CNOT6: variants seen among roughly 807,000 people sequenced by gnomAD.
CNOT6 encodes carbon catabolite repression 4 protein.
In CNOT6, 12 loss-of-function variants were observed where a neutral mutation model predicts 61.2. That is an observed-to-expected ratio of 0.20 (90% CI 0.13 to 0.32). The LOEUF is 0.32. Ranked by LOEUF, CNOT6 falls within the 10% of genes least tolerant of loss-of-function variation. The probability of loss-of-function intolerance (pLI) is 1.00; values close to 1 mark genes in which losing one functional copy is unlikely to be tolerated. For synonymous variants in CNOT6, 225 were observed against 240.6 expected, an observed-to-expected ratio of 0.94 and a Z score of 0.60; for missense variants, 405 against 663.9, an observed-to-expected ratio of 0.61 and a Z score of 4.28.
chr5:180,495,540 C>G (rs1228563698), intron 1 of CNOT6: 1 of 152,204 alleles, frequency 6.6e-6, no homozygotes, highest in Non-Finnish European at 1.5e-5. Context: ...CCATTGACAG[C>G]GTTGTGAATG....
intron 2 of CNOT6, among the ~76,000 whole-genome samples, chr5:180,533,338 A>G (rs1461942030): frequency 1.1e-5 from 1 of 90,848 alleles, no homozygotes; most frequent in African/African-American, 3.6e-5. Flanking sequence ...ATATATATAT[A>G]TATATCACCG....
At chr5:180,571,099 C>T in intron 10 of CNOT6, 131 bp from the exon 11 acceptor site, 2 of 648,608 alleles carry the variant, frequency 3.1e-6, no homozygotes, top group Non-Finnish European at 5.4e-6. Flanking sequence ...TTGGGCAAGT[C>T]CTGGCAAATG....
In CNOT6 at chr5:180,565,970, G is replaced by A; in HGVS notation, c.710G>A (p.Ser237Asn). 1 of 1,612,460 alleles carries A rather than the reference G, an allele frequency of 6.2e-7. No individual in the cohort carries two copies. Among genetic ancestry groups the A allele is most frequent in the South Asian group, 1.1e-5 (1 of 90,820 alleles). ...EILSCNADIV[S>N]LQEVETEQYY... Reference sequence around the variant, plus strand: ...TTGAGCTGCAATGCTGATATCGTAAGTCTTCAGGTAAGTCAGACAGAAGAC... The same window carrying A: ...TTGAGCTGCAATGCTGATATCGTAAATCTTCAGGTAAGTCAGACAGAAGAC... Residue 237 changes from serine to asparagine, a missense_variant, in exon 7 of 12, where the codon AGT (serine) becomes AAT (asparagine). Ser to Asn is a conservative substitution (Grantham distance 46). Coordinates refer to ENST00000261951, the MANE Select transcript of CNOT6 (RefSeq NM_001370472.1).
chr5:180,539,302 A>C (rs535138746), intron 2 of CNOT6, among the ~76,000 whole-genome samples: 24 of 151,698 alleles, frequency 1.6e-4, no homozygotes, highest in Middle Eastern at 3.4e-3. Flanking sequence ...AAACAAAAAA[A>C]AACTGCATTT....
chr5:180,513,693 ATTTATT>A (rs1561635220), intron 1 of CNOT6, among the ~76,000 whole-genome samples: 2 of 136,650 alleles, frequency 1.5e-5, no homozygotes, highest in African/African-American at 2.7e-5. Flanking sequence ...TTATTTATTT[ATTTATT>A]TTTATTTATT....
At chr5:180,558,056 T>C (rs1352344852) in intron 4 of CNOT6, among the ~76,000 whole-genome samples, 1 of 152,208 alleles carries the variant, frequency 6.6e-6, no homozygotes, top group Non-Finnish European at 1.5e-5. Flanking sequence ...TTCTGTTTCA[T>C]TGATCTATGT....
At chr5:180,506,232 C>T (rs1581469773) in intron 1 of CNOT6, among the ~76,000 whole-genome samples, 1 of 152,170 alleles carries the variant, frequency 6.6e-6, no homozygotes, top group Admixed American at 6.5e-5. Flanking sequence ...AAGGTAGAAT[C>T]TACCTCATGG....
chr5:180,557,576 CT>C (rs1269524658), intron 4 of CNOT6, among the ~76,000 whole-genome samples: 1 of 152,068 alleles, frequency 6.6e-6, no homozygotes, highest in Non-Finnish European at 1.5e-5. Flanking sequence ...AGATTATTTG[CT>C]TTTTTACTGG....
chr5:180,524,132 A>G (rs748708232), intron 1 of CNOT6, among the ~76,000 whole-genome samples: 1 of 152,170 alleles, frequency 6.6e-6, no homozygotes, highest in Non-Finnish European at 1.5e-5. Flanking sequence ...GTTAGGTGCT[A>G]TATGCCTGCT....
intron 10 of CNOT6, among the ~76,000 whole-genome samples, chr5:180,569,944 T>G (rs375007008): frequency 6.6e-6 from 1 of 152,214 alleles, no homozygotes; most frequent in Non-Finnish European, 1.5e-5. Flanking sequence ...TTTCTTTTTG[T>G]GTTTCAACTC....
At chr5:180,568,456 G>A (rs1246226672) in intron 9 of CNOT6, among the ~76,000 whole-genome samples, 2 of 151,740 alleles carry the variant, frequency 1.3e-5, no homozygotes, top group African/African-American at 4.8e-5. Context: ...GGGAGGCTGA[G>A]GGAGAGAACT....
intron 2 of CNOT6, among the ~76,000 whole-genome samples, chr5:180,541,713 A>G (rs931681990): frequency 4.0e-5 from 6 of 151,662 alleles, no homozygotes; most frequent in Non-Finnish European, 7.4e-5. Flanking sequence ...CAGCCTCTCA[A>G]AGTGCTGGGA....
intron 2 of CNOT6, among the ~76,000 whole-genome samples, chr5:180,533,408 G>A (rs1758504848): frequency 6.7e-6 from 1 of 150,046 alleles, no homozygotes; most frequent in South Asian, 2.1e-4. Context: ...TTAATTTATT[G>A]TTATTATTAT....
intron 2 of CNOT6, chr5:180,534,658 C>T (rs893097956): frequency 4.0e-5 from 6 of 149,974 alleles, no homozygotes; most frequent in African/African-American, 1.5e-4. Context: ...GGGCCGGAGT[C>T]GCTGGGGTCC....
intron 1 of CNOT6, among the ~76,000 whole-genome samples, chr5:180,498,907 A>G (rs1756740014): frequency 6.6e-6 from 1 of 152,172 alleles, no homozygotes; most frequent in East Asian, 1.9e-4. Context: ...CTCCTGCTTC[A>G]GCCTCCCGAG....
chr5:180,533,162 C>T (rs1223967383), intron 2 of CNOT6, among the ~76,000 whole-genome samples: 1 of 151,944 alleles, frequency 6.6e-6, no homozygotes, highest in East Asian at 1.9e-4. Flanking sequence ...GAATGACGGT[C>T]TTCTGACCCA....
chr5:180,577,195 GTT>G lies in CNOT6; in HGVS notation c.*2997_*2998del, dbSNP rs57499439. On this transcript the variant is annotated 3_prime_UTR_variant, in exon 12 of 12. Transcript: ENST00000261951. ...TGTGTGTGTGTGTGTGTGTGTGTGT[GTT>G]TAATATGATTTAGTGACAACCAGGA... 1 of 152,154 alleles carries G rather than the reference GTT, an allele frequency of 6.6e-6. No individual in the cohort carries two copies. The highest frequency in any genetic ancestry group is 1.5e-5 in the Non-Finnish European group (1 of 67,920). 9.4% of individuals were successfully genotyped at this position (152,154 alleles called of 1,614,324 possible). A position where few individuals can be genotyped will look rare whatever the true frequency, so the allele number is the denominator to read the frequency against.
At chr5:180,507,445 C>CA (rs772039946) in intron 1 of CNOT6, among the ~76,000 whole-genome samples, 1 of 151,798 alleles carries the variant, frequency 6.6e-6, no homozygotes, top group African/African-American at 2.4e-5. Context: ...ACTAAAAATA[C>CA]AAAAAAATTA....
chr5:180,554,871 C>T (rs907708975), intron 4 of CNOT6, among the ~76,000 whole-genome samples: 3 of 152,166 alleles, frequency 2.0e-5, no homozygotes, highest in African/African-American at 7.2e-5. Context: ...CAGTCTTCCT[C>T]ATGGCGGAGG....
Sources: allele counts gnomAD v4.1 joint callset (sites outside exome capture counted in the v4.1 genomes callset), GRCh38; gene constraint gnomAD v4.1.1; transcripts MANE v1.5; gene names NCBI Gene and HGNC (gene_info 2026-07-23, HGNC 2026-07-21).